Variants in MAP3K5 observed in about 807,000 individuals in gnomAD.
The protein encoded by MAP3K5 is ASK-1.
In MAP3K5, 56 loss-of-function variants were observed where a neutral mutation model predicts 158.7. The observed-to-expected ratio is 0.35, with a 90% CI of 0.28 to 0.44. The LOEUF (loss-of-function observed/expected upper bound fraction) is 0.44, where lower values mean the gene tolerates loss of function less well. MAP3K5 is among the 20% of genes least tolerant of loss of function. The pLI, the probability that MAP3K5 is intolerant of heterozygous loss-of-function variation, is 1.00. For missense variants in MAP3K5, 1,294 were observed against 1,674.8 expected (o/e 0.77, Z 3.97); for synonymous variants, 579 against 601.7 (o/e 0.96, Z 0.55).
At chr6:136,599,171 G>C (rs913429760) in intron 21 of MAP3K5, among the ~76,000 whole-genome samples, 22 of 139,788 alleles carry the variant, frequency 1.6e-4, no homozygotes, top group South Asian at 4.4e-4. Context: ...AAAAAAAAGG[G>C]GGGGGGGGCG....
rs142125431 is a variant in MAP3K5 at position 136,560,600 on chromosome 6, C to A, written c.3987+933G>T. On this transcript the variant is annotated intron_variant, in intron 28 of 29. Transcript: ENST00000359015. ...CGACCAGATTGATTTTATTAAGTAG[C>A]AATAAAATAGCTGCTGCCCAGTGGA... Among the ~76,000 whole-genome samples, 691 of 152,104 alleles carry A rather than the reference C, an allele frequency of 4.5e-3. 7 individuals are homozygous for A. Among genetic ancestry groups the A allele is most frequent in the African/African-American group, 0.016 (661 of 41,484 alleles).
intron 8 of MAP3K5, 113 bp from the exon 9 acceptor site, chr6:136,659,491 T>A: frequency 1.0e-6 from 1 of 976,556 alleles, no homozygotes; most frequent in Non-Finnish European, 1.5e-6. Context: ...TTAAAACAGC[T>A]TTGTTAAGTT....
intron 25 of MAP3K5, among the ~76,000 whole-genome samples, chr6:136,578,020 T>A (rs1410880798): frequency 6.6e-6 from 1 of 152,222 alleles, no homozygotes; most frequent in Non-Finnish European, 1.5e-5. Context: ...TTTCCTTTCT[T>A]CATTTAGGTG....
intron 1 of MAP3K5, among the ~76,000 whole-genome samples, chr6:136,782,488 G>C (rs1784660311): frequency 6.6e-6 from 1 of 152,090 alleles, no homozygotes; most frequent in African/African-American, 2.4e-5. Context: ...GTGTAGAAGA[G>C]GCTACAAGTA....
chr6:136,708,019 T>C (rs1562632586), intron 2 of MAP3K5, among the ~76,000 whole-genome samples: 1 of 152,228 alleles, frequency 6.6e-6, no homozygotes, highest in African/African-American at 2.4e-5. Flanking sequence ...AATTCTAATT[T>C]GTAAATTCAT....
intron 18 of MAP3K5, among the ~76,000 whole-genome samples, chr6:136,607,590 C>T (rs1776156678): frequency 6.6e-6 from 1 of 152,200 alleles, no homozygotes; most frequent in African/African-American, 2.4e-5. Context: ...AAACTCATAC[C>T]TCACATATCT....
intron 19 of MAP3K5, 66 bp from the exon 20 acceptor site, chr6:136,602,045 C>A: frequency 7.6e-7 from 1 of 1,312,034 alleles, no homozygotes; most frequent in South Asian, 1.3e-5. Flanking sequence ...TGAACTCCAG[C>A]TTCCATAACT....
chr6:136,769,824 A>AGGGG (rs1784124163), intron 1 of MAP3K5, among the ~76,000 whole-genome samples: 1 of 33,742 alleles, frequency 3.0e-5, no homozygotes, highest in Non-Finnish European at 5.1e-5. Flanking sequence ...GACGGGAGGG[A>AGGGG]GGGAGGGAAG....
chr6:136,620,229 C>T (rs555307738), intron 15 of MAP3K5, among the ~76,000 whole-genome samples: 7 of 152,196 alleles, frequency 4.6e-5, no homozygotes, highest in Non-Finnish European at 8.8e-5. Flanking sequence ...GAGATGGGGC[C>T]ACTGCACTCT....
intron 1 of MAP3K5, among the ~76,000 whole-genome samples, chr6:136,787,480 G>T (rs1784898510): frequency 6.6e-6 from 1 of 152,198 alleles, no homozygotes; most frequent in African/African-American, 2.4e-5. Context: ...GAGCTGGAGG[G>T]AATCTCAGAT....
chr6:136,646,762 T>C (rs1164694566), intron 11 of MAP3K5, among the ~76,000 whole-genome samples: 1 of 152,268 alleles, frequency 6.6e-6, no homozygotes, highest in African/African-American at 2.4e-5. Flanking sequence ...TGTATGTGTA[T>C]ACTTGCATAC....
At chr6:136,687,752 A>T (rs1780212393) in intron 7 of MAP3K5, among the ~76,000 whole-genome samples, 1 of 152,224 alleles carries the variant, frequency 6.6e-6, no homozygotes, top group African/African-American at 2.4e-5. Flanking sequence ...AACGGTGATC[A>T]TTAAAAAGTC....
At chr6:136,703,076 C>T (rs1780922290) in intron 3 of MAP3K5, among the ~76,000 whole-genome samples, 1 of 151,918 alleles carries the variant, frequency 6.6e-6, no homozygotes, top group Non-Finnish European at 1.5e-5. Context: ...TTAGAAACTA[C>T]ATAAAGGTAA....
chr6:136,569,043 T>C (rs939801395), intron 25 of MAP3K5, among the ~76,000 whole-genome samples: 1 of 152,024 alleles, frequency 6.6e-6, no homozygotes, highest in African/African-American at 2.4e-5. Context: ...CTCCTCCCTT[T>C]GGAGTTTAGG....
intron 21 of MAP3K5, among the ~76,000 whole-genome samples, chr6:136,597,451 A>G (rs1033596202): frequency 5.9e-5 from 9 of 152,162 alleles, no homozygotes; most frequent in African/African-American, 1.9e-4. Flanking sequence ...CTTCTCCTAG[A>G]CAGTTTAGGA....
Position 136,601,837 on chromosome 6 carries a change from G to A in MAP3K5, c.2822C>T (p.Ser941Leu), listed in dbSNP as rs763952521. The change falls in exon 20 of 30, where the codon TCA becomes TTA. Residue 941 changes from serine to leucine, a missense_variant. Physicochemically the swap from Ser to Leu is moderately radical, Grantham distance 145 (BLOSUM62 -2). This residue lies in a region of MAP3K5 where 362 missense variants were observed against 463.2 expected (regional missense o/e 0.78). Coordinates refer to ENST00000359015, the MANE Select transcript of MAP3K5 (RefSeq NM_005923.4). Reference sequence around the variant, plus strand: ...AGGTTGTGTCTTTTTCTTTTTGCTTGAAACTTTTAAAAACTCATCAACAAG... The same window carrying A: ...AGGTTGTGTCTTTTTCTTTTTGCTTAAAACTTTTAAAAACTCATCAACAAG... Reference protein sequence around the residue: ...DLLVDEFLKVSSKKKKTQPKL... With the variant: ...DLLVDEFLKVLSKKKKTQPKL... 5 of 1,614,002 alleles carry A rather than the reference G, an allele frequency of 3.1e-6. No homozygotes were observed. In the East Asian group the frequency reaches 1.1e-4, roughly 36 times the overall value.
intron 11 of MAP3K5, among the ~76,000 whole-genome samples, chr6:136,647,052 G>C (rs1333129849): frequency 6.6e-6 from 1 of 152,100 alleles, no homozygotes; most frequent in African/African-American, 2.4e-5. Flanking sequence ...TTGTGATTAA[G>C]TTGTATACTT....
At chr6:136,733,584 C>T (rs979776425) in intron 1 of MAP3K5, among the ~76,000 whole-genome samples, 1 of 152,068 alleles carries the variant, frequency 6.6e-6, no homozygotes, top group African/African-American at 2.4e-5. Context: ...TGATTTATGC[C>T]TTAACTTTTT....
chr6:136,646,621 C>G (rs1446039654), intron 11 of MAP3K5, among the ~76,000 whole-genome samples: 1 of 152,206 alleles, frequency 6.6e-6, no homozygotes, highest in Admixed American at 6.5e-5. Context: ...TAACCTTGCT[C>G]TTTTCAATCA....
Sources: allele counts gnomAD v4.1 joint callset (sites outside exome capture counted in the v4.1 genomes callset), GRCh38; gene constraint gnomAD v4.1.1; regional missense constraint gnomAD v4.1.1; transcripts MANE v1.5; gene names NCBI Gene and HGNC (gene_info 2026-07-23, HGNC 2026-07-21).